The following CHST9 variants were observed in gnomAD, a reference collection of about 807,000 sequenced individuals.
CHST9 encodes carbohydrate sulfotransferase 9, also known as GalNAc-4-sulfotransferase 2.
CHST9 carries 41 observed loss-of-function variants against 44.4 expected under a neutral mutation model. The ratio of observed to expected loss-of-function variants is 0.92; its 90% CI spans 0.72 to 1.20. The LOEUF (loss-of-function observed/expected upper bound fraction) is 1.20, where lower values mean the gene tolerates loss of function less well. Among genes scored for constraint, CHST9 ranks in the 50% most tolerant of loss-of-function variants. The pLI is 0.00. For synonymous variants in CHST9, 171 were observed against 178.4 expected, an observed-to-expected ratio of 0.96 and a Z score of 0.33; for missense variants, 504 against 516.5, an observed-to-expected ratio of 0.98 and a Z score of 0.23.
At chr18:26,994,885 G>C (rs926285668) in intron 4 of CHST9, among the ~76,000 whole-genome samples, 1 of 152,016 alleles carries the variant, frequency 6.6e-6, no homozygotes, top group Non-Finnish European at 1.5e-5. Flanking sequence ...CATTGTGCCT[G>C]GCCTGGATTT....
At chr18:27,103,962 G>A (rs894526309) in intron 2 of CHST9, among the ~76,000 whole-genome samples, 4 of 152,172 alleles carry the variant, frequency 2.6e-5, no homozygotes, top group African/African-American at 9.7e-5. Flanking sequence ...ACTACCTGAT[G>A]CAAGGGGGTG....
chr18:27,055,937 C>CGTTT (rs2057649649), intron 2 of CHST9, among the ~76,000 whole-genome samples: 1 of 147,344 alleles, frequency 6.8e-6, no homozygotes, highest in African/African-American at 2.5e-5. Context: ...TTCTCTCTTT[C>CGTTT]GTGTGTGTGT....
At chr18:27,104,340 T>TGAA (rs2058202028) in intron 2 of CHST9, among the ~76,000 whole-genome samples, 2 of 152,248 alleles carry the variant, frequency 1.3e-5, no homozygotes, top group Admixed American at 1.3e-4. Context: ...CAAAATTTTC[T>TGAA]GTGCTGTGCT....
chr18:27,101,086 T>C (rs1343851218), intron 2 of CHST9, among the ~76,000 whole-genome samples: 1 of 152,182 alleles, frequency 6.6e-6, no homozygotes, highest in Non-Finnish European at 1.5e-5. Flanking sequence ...AGATAAACTC[T>C]TGTTCTGCAC....
intron 1 of CHST9, among the ~76,000 whole-genome samples, chr18:27,162,201 C>G (rs1396828677): frequency 6.6e-6 from 1 of 152,088 alleles, no homozygotes; most frequent in Non-Finnish European, 1.5e-5. Flanking sequence ...TTCTTCCTAG[C>G]CTTGATGGTC....
At chr18:27,136,797 A>G (rs1320574123) in intron 2 of CHST9, among the ~76,000 whole-genome samples, 2 of 152,222 alleles carry the variant, frequency 1.3e-5, no homozygotes, top group Non-Finnish European at 2.9e-5. Flanking sequence ...TAGCTAAAAA[A>G]GTATTGGTCC....
chr18:27,051,774 G>C (rs1005302530), intron 2 of CHST9, among the ~76,000 whole-genome samples: 6 of 152,156 alleles, frequency 3.9e-5, no homozygotes, highest in Non-Finnish European at 5.9e-5. Context: ...GTTTATTGTT[G>C]TTTTTAGCTG....
At position 26,908,616 on chromosome 18, in the gene CHST9, T is replaced by G. The variant is rs1179913947; in HGVS notation, c.*7643A>C. ...GGCAGGACTTCTATTCAGAGGCTAT[T>G]TCCAATAGTTCTGAGGAGAGCCAAT... On this transcript the variant is annotated 3_prime_UTR_variant, in exon 6 of 6. Coordinates refer to ENST00000618847, the MANE Select transcript of CHST9 (RefSeq NM_031422.6). 6.6e-6 allele frequency: 1 copy of G among 152,216 alleles called. No individual in the cohort carries two copies. Among genetic ancestry groups the G allele is most frequent in the Non-Finnish European group, 1.5e-5 (1 of 68,038 alleles). The allele number at this position is 152,216 out of a possible 1,614,324, so 9.4% of individuals were successfully genotyped here.
At chr18:27,167,757 G>C (rs1201206045) in intron 1 of CHST9, among the ~76,000 whole-genome samples, 1 of 152,198 alleles carries the variant, frequency 6.6e-6, no homozygotes, top group Admixed American at 6.5e-5. Context: ...TTGGTCAGAG[G>C]AAGTATCTTT....
intron 2 of CHST9, among the ~76,000 whole-genome samples, chr18:27,101,494 G>A (rs2058171861): frequency 6.7e-6 from 1 of 149,782 alleles, no homozygotes; most frequent in Admixed American, 6.6e-5. Flanking sequence ...TGGCGGGGGT[G>A]AGGGTGGGCG....
chr18:27,050,726 G>A (rs1485311850), intron 2 of CHST9, among the ~76,000 whole-genome samples: 1 of 152,100 alleles, frequency 6.6e-6, no homozygotes, highest in East Asian at 1.9e-4. Context: ...CATTCATTAT[G>A]AAGTGTGACA....
At chr18:27,160,769 G>A (rs2058739782) in intron 1 of CHST9, among the ~76,000 whole-genome samples, 1 of 152,040 alleles carries the variant, frequency 6.6e-6, no homozygotes, top group African/African-American at 2.4e-5. Flanking sequence ...AAGCTATTAA[G>A]TATTGCCTCA....
intron 4 of CHST9, among the ~76,000 whole-genome samples, chr18:26,987,292 G>A (rs115081961): frequency 0.035 from 5,330 of 152,150 alleles, 305 homozygotes; most frequent in African/African-American, 0.12. Flanking sequence ...CTTCCTCTTT[G>A]ACCTCTCTGC....
intron 4 of CHST9, among the ~76,000 whole-genome samples, chr18:26,951,158 G>A (rs1483191939): frequency 6.6e-6 from 1 of 152,144 alleles, no homozygotes; most frequent in East Asian, 1.9e-4. Flanking sequence ...GCATTCATGA[G>A]CTTCAGGAAT....
chr18:27,155,060 C>A (rs1227110899), intron 1 of CHST9, among the ~76,000 whole-genome samples: 7 of 132,184 alleles, frequency 5.3e-5, no homozygotes, highest in African/African-American at 1.7e-4. Context: ...TCAACCTGGG[C>A]AACAGAGTGA....
Position 27,091,149 on chromosome 18 carries a change from G to T in CHST9, c.122-42646C>A, listed in dbSNP as rs931131791. On this transcript the variant is annotated intron_variant, in intron 2 of 5. Coordinates refer to ENST00000618847, the MANE Select transcript of CHST9 (RefSeq NM_031422.6). The stretch of plus-strand genomic sequence containing the variant: ...GCAGTGGTTTGTAGTTCTCCTTGAA[G>T]AGGTCCTTCACGTCCCTTGTAAGTT... 5.3e-5 allele frequency among the ~76,000 whole-genome samples: 8 copies of T among 152,162 alleles called. No homozygotes were observed. In the South Asian group the frequency reaches 1.7e-3, roughly 32 times the overall value.
intron 5 of CHST9, among the ~76,000 whole-genome samples, chr18:26,940,863 G>A (rs2056072646): frequency 6.6e-6 from 1 of 152,218 alleles, no homozygotes; most frequent in Admixed American, 6.5e-5. Flanking sequence ...AAAGCCCTAA[G>A]CCAAGATGGC....
intron 4 of CHST9, among the ~76,000 whole-genome samples, chr18:27,000,585 A>G (rs2056937058): frequency 6.6e-6 from 1 of 151,616 alleles, no homozygotes; most frequent in South Asian, 2.1e-4. Context: ...AGCCTTTTTC[A>G]TTGTACAGCA....
At chr18:27,160,947 G>A (rs188945438) in intron 1 of CHST9, among the ~76,000 whole-genome samples, 65 of 152,148 alleles carry the variant, frequency 4.3e-4, no homozygotes, top group African/African-American at 1.5e-3. Context: ...CTGTGGGATC[G>A]GTGGTGATAT....
Sources: allele counts gnomAD v4.1 joint callset (sites outside exome capture counted in the v4.1 genomes callset), GRCh38; gene constraint gnomAD v4.1.1; transcripts MANE v1.5; gene names NCBI Gene and HGNC (gene_info 2026-07-23, HGNC 2026-07-21).